Variants in UBR4 observed in about 807,000 individuals in gnomAD.
The protein encoded by UBR4 is E3 ubiquitin-protein ligase UBR4.
A neutral mutation model predicts 575.6 loss-of-function variants in UBR4; 124 were observed. The ratio of observed to expected loss-of-function variants is 0.22; its 90% confidence interval spans 0.19 to 0.25. The LOEUF (loss-of-function observed/expected upper bound fraction) is 0.25, where lower values mean the gene tolerates loss of function less well. Ranked by LOEUF, UBR4 falls within the 10% of genes least tolerant of loss-of-function variation. UBR4 has a pLI of 1.00. For synonymous variants in UBR4, 2,455 were observed against 2,473.7 expected, an observed-to-expected ratio of 0.99 and a Z score of 0.22; for missense variants, 4,818 against 6,478.8, an observed-to-expected ratio of 0.74 and a Z score of 8.80.
intron 86 of UBR4, 99 bp downstream of exon 86, chr1:19,104,486 T>C (rs2078978795): frequency 7.4e-7 from 1 of 1,357,938 alleles, no homozygotes. Context: ...CTAAGGTCAG[T>C]ACCAGAGAGA....
chr1:19,116,945 C>A (rs978323099), intron 73 of UBR4, among the ~76,000 whole-genome samples: 7 of 152,078 alleles, frequency 4.6e-5, no homozygotes, highest in Admixed American at 1.3e-4. Flanking sequence ...CATGAGAAGC[C>A]TGGAGGTCCC....
intron 25 of UBR4, 140 bp from the exon 26 acceptor site, chr1:19,171,023 G>T: frequency 8.5e-7 from 1 of 1,182,672 alleles, no homozygotes; most frequent in Non-Finnish European, 1.2e-6. Context: ...GCCCCTTCCT[G>T]GTCTCTAAGA....
intron 51 of UBR4, 66 bp from the exon 52 acceptor site, chr1:19,147,066 G>C: frequency 4.0e-6 from 6 of 1,486,420 alleles, no homozygotes; most frequent in Non-Finnish European, 4.5e-6. Flanking sequence ...GCAAAGAGGA[G>C]AGAAAAGCTG....
intron 105 of UBR4, 147 bp from the exon 106 acceptor site, chr1:19,075,043 G>A: frequency 2.5e-6 from 2 of 791,298 alleles, no homozygotes; most frequent in Non-Finnish European, 4.2e-6. Flanking sequence ...CATGACCGGG[G>A]AGGTAGTCAT....
Position 19,106,585 on chromosome 1 carries a change from T to C in UBR4, c.12377A>G (p.Asn4126Ser). The C allele has an allele frequency of 1.3e-6, 2 of 1,575,720 alleles. No homozygotes were observed. The highest frequency in any genetic ancestry group is 1.7e-6 in the Non-Finnish European group (2 of 1,162,596). ...GCCACTCACTTGTCGCAGCCAGTTG[T>C]TATGCCCCAGTTTGAGATCCAAGGG... ...TSPLDLKLGH[N>S]NWLRQVLFTP... is the part of the protein sequence containing the mutation. The change falls in exon 83 of 106, where the codon AAC becomes AGC. Residue 4126 changes from asparagine to serine, a missense_variant. This residue lies in a region of UBR4 where 178 missense variants were observed against 175.5 expected (regional missense o/e 1.01). Coordinates refer to ENST00000375254, the MANE Select transcript of UBR4 (RefSeq NM_020765.3).
Position 19,101,511 on chromosome 1 carries a change from AC to A in UBR4, c.13023+8del, listed in dbSNP as rs777726330. 3.8e-5 allele frequency: 61 copies of A among 1,607,458 alleles called. No individual in the cohort carries two copies. Among genetic ancestry groups the A allele is most frequent in the Non-Finnish European group, 4.9e-5 (58 of 1,175,094 alleles). On this transcript the variant is annotated splice_region_variant and intron_variant, in intron 88 of 105. Transcript: ENST00000375254. ...ACTCGAGAGCCATGGGAAGCACCGC[AC>A]TGCTTACAGGATAAATGATGCTGCA... is the stretch of plus-strand genomic sequence containing the variant.
rs1472476473 is a variant in UBR4 at position 19,164,817 on chromosome 1, T to C, written c.4493A>G (p.Tyr1498Cys). Residue 1498 changes from tyrosine (Y) to cysteine (C), a missense_variant, in exon 32 of 106, where the codon TAC becomes TGC. Transcript: ENST00000375254. The part of the protein sequence containing the change: ...NRQLLQLLTT[Y>C]IVRENSQVGE... Reference sequence around the variant, plus strand: ...GTTCTACCTGTTTTCCCGAACAATGTATGTGGTCAGTAACTGCAGCAGCTG... The same window carrying C: ...GTTCTACCTGTTTTCCCGAACAATGCATGTGGTCAGTAACTGCAGCAGCTG... 6.2e-7 allele frequency: 1 copy of C among 1,614,168 alleles called. No individual in the cohort carries two copies. Among genetic ancestry groups the C allele is most frequent in the Non-Finnish European group, 8.5e-7 (1 of 1,180,014 alleles).
intron 65 of UBR4, 110 bp from the exon 66 acceptor site, chr1:19,123,170 G>A (rs915289418): frequency 2.0e-5 from 24 of 1,192,604 alleles, no homozygotes; most frequent in Middle Eastern, 1.9e-4. Flanking sequence ...GCTGGGGACA[G>A]GCCGGGCACG....
chr1:19,204,533 A>ATATATAT (rs200363179), intron 1 of UBR4, among the ~76,000 whole-genome samples: 2,384 of 150,736 alleles, frequency 0.016, 28 homozygotes, highest in Non-Finnish European at 0.026. Context: ...TATATAAAAA[A>ATATATAT]AAATATATAT....
chr1:19,133,335 A>G (rs1424817618), intron 60 of UBR4, among the ~76,000 whole-genome samples: 1 of 152,214 alleles, frequency 6.6e-6, no homozygotes, highest in African/African-American at 2.4e-5. Context: ...AGAAACTGGA[A>G]ATCTTGAAAA....
chr1:19,137,256 C>T (rs2083301307), intron 60 of UBR4, among the ~76,000 whole-genome samples: 1 of 150,748 alleles, frequency 6.6e-6, no homozygotes, highest in Non-Finnish European at 1.5e-5. Flanking sequence ...GCACTGTTCA[C>T]ACCACTGCAC....
intron 11 of UBR4, among the ~76,000 whole-genome samples, chr1:19,189,124 A>C (rs914700118): frequency 6.6e-6 from 1 of 152,382 alleles, no homozygotes; most frequent in South Asian, 2.1e-4. Flanking sequence ...ATACAAATAC[A>C]TGAAATATCA....
Position 19,210,187 on chromosome 1 carries a change from G to C in UBR4, c.62C>G (p.Thr21Arg). The change falls in exon 1 of 106, where the codon ACG (threonine) becomes AGG (arginine). Residue 21 changes from threonine to arginine, a missense_variant. Thr to Arg is a moderately conservative substitution (Grantham distance 71, BLOSUM62 -1). Around this residue, in one of 29 missense-constraint regions of UBR4, gnomAD observed 95 missense variants for 87.7 expected, o/e 1.08. Coordinates refer to ENST00000375254, the MANE Select transcript of UBR4 (RefSeq NM_020765.3). ...AAAPAPGTPA[T>R]GADTTPGWEV... ...CCAGCCCGGGGTCGTGTCCGCCCCCGTTGCCGGGGTCCCCGGCGCCGGAGC... is the reference window on the plus strand; with the variant it reads ...CCAGCCCGGGGTCGTGTCCGCCCCCCTTGCCGGGGTCCCCGGCGCCGGAGC... 2.0e-6 allele frequency: 3 copies of C among 1,490,630 alleles called. No homozygotes were observed. Among genetic ancestry groups the C allele is most frequent in the Non-Finnish European group, 2.7e-6 (3 of 1,126,222 alleles). The allele number at this position is 1,490,630 out of a possible 1,614,324, so 92.3% of individuals were successfully genotyped here.
intron 85 of UBR4, 95 bp downstream of exon 85, chr1:19,104,953 G>A (rs2079029066): frequency 4.6e-6 from 7 of 1,511,206 alleles, no homozygotes; most frequent in Admixed American, 4.4e-5. Flanking sequence ...TTTCTTCTCA[G>A]CAAAAACAAA....
At chr1:19,181,060 G>A (rs1265149784) in intron 17 of UBR4, among the ~76,000 whole-genome samples, 1 of 152,022 alleles carries the variant, frequency 6.6e-6, no homozygotes, top group African/African-American at 2.4e-5. Context: ...CTAGACACTG[G>A]CACCCCAAAA....
intron 105 of UBR4, among the ~76,000 whole-genome samples, chr1:19,076,290 T>C (rs756108889): frequency 2.6e-5 from 4 of 152,224 alleles, no homozygotes; most frequent in Non-Finnish European, 5.9e-5. Flanking sequence ...AACTGTGACC[T>C]AAGACGCAGG....
At chr1:19,192,969 G>C (rs2092213581) in intron 9 of UBR4, among the ~76,000 whole-genome samples, 1 of 152,050 alleles carries the variant, frequency 6.6e-6, no homozygotes, top group African/African-American at 2.4e-5. Flanking sequence ...TTTTAGTAGA[G>C]ACAGGGTTTC....
In UBR4 at chr1:19,183,636, C is replaced by A. The variant is rs531297132; in HGVS notation, c.2184+175G>T. 3.0e-3 allele frequency among the ~76,000 whole-genome samples: 455 copies of A among 152,272 alleles called. 2 individuals carry two copies. Among genetic ancestry groups the A allele is most frequent in the African/African-American group, 0.011 (443 of 41,558 alleles). On this transcript the variant is annotated intron_variant, in intron 17 of 105. Coordinates refer to ENST00000375254, the MANE Select transcript of UBR4 (RefSeq NM_020765.3). ...ACTCTGGAGGCTGAGGCAGGAGAAT[C>A]GCTTGAACCTGGGAGGTGGAGGTTG...
At chr1:19,172,383 G>T (rs929864114) in intron 25 of UBR4, among the ~76,000 whole-genome samples, 2 of 152,062 alleles carry the variant, frequency 1.3e-5, no homozygotes, top group Admixed American at 1.3e-4. Flanking sequence ...CAGGCACGGT[G>T]GTGCATGCCT....
Sources: allele counts gnomAD v4.1 joint callset (sites outside exome capture counted in the v4.1 genomes callset), GRCh38; gene constraint gnomAD v4.1.1; regional missense constraint gnomAD v4.1.1; transcripts MANE v1.5; gene names NCBI Gene and HGNC (gene_info 2026-07-23, HGNC 2026-07-21).